Variants in SPMIP7 observed in about 807,000 individuals in gnomAD.
SPMIP7 encodes the protein protein SPMIP7.
At chr7:50,105,986 A>C in the SPMIP7 span, among the ~76,000 whole-genome samples, 3 of 152,186 alleles carry the variant, frequency 2.0e-5, no homozygotes, top group African/African-American at 7.2e-5. Flanking sequence ...TTAAAACTAG[A>C]ATTCTGAAGT....
the SPMIP7 span, among the ~76,000 whole-genome samples, chr7:50,128,075 A>C: frequency 6.6e-6 from 1 of 151,870 alleles, no homozygotes; most frequent in Non-Finnish European, 1.5e-5. Context: ...AGTGTCCATC[A>C]GTGGATGAAT....
At chr7:50,104,080 C>T in the SPMIP7 span, among the ~76,000 whole-genome samples, 403 of 152,220 alleles carry the variant, frequency 2.6e-3, 2 homozygotes, top group African/African-American at 8.8e-3. Context: ...TAGGTATCTT[C>T]TAATAATAAG....
At chr7:50,121,732 C>G in the SPMIP7 span, among the ~76,000 whole-genome samples, 1 of 152,102 alleles carries the variant, frequency 6.6e-6, no homozygotes, top group Non-Finnish European at 1.5e-5. Context: ...CAGCTCACTG[C>G]AACCTCCGCC....
the SPMIP7 span, among the ~76,000 whole-genome samples, chr7:50,135,283 C>T: frequency 5.5e-3 from 831 of 152,268 alleles, 25 homozygotes; most frequent in South Asian, 0.087. Flanking sequence ...CCACTTCTCA[C>T]GCGTAGGAGT....
the SPMIP7 span, among the ~76,000 whole-genome samples, chr7:50,110,401 A>G: frequency 6.8e-6 from 1 of 147,910 alleles, no homozygotes; most frequent in Non-Finnish European, 1.5e-5. Context: ...TTACATATTT[A>G]ACATATAATA....
chr7:50,153,676 C>A, the SPMIP7 span, among the ~76,000 whole-genome samples: 1 of 152,158 alleles, frequency 6.6e-6, no homozygotes, highest in Non-Finnish European at 1.5e-5. Context: ...AACTGAGGCA[C>A]ACACAAGCTG....
the SPMIP7 span, among the ~76,000 whole-genome samples, chr7:50,125,308 ACC>A: frequency 1.3e-3 from 141 of 107,628 alleles, 5 homozygotes; most frequent in African/African-American, 4.7e-3. Context: ...ACATATATAT[ACC>A]CATATATACA....
the SPMIP7 span, among the ~76,000 whole-genome samples, chr7:50,110,226 A>C: frequency 6.6e-6 from 1 of 151,572 alleles, no homozygotes; most frequent in Admixed American, 6.6e-5. Flanking sequence ...AAAAGTAAAG[A>C]CCTAATCAAC....
the SPMIP7 span, among the ~76,000 whole-genome samples, chr7:50,104,042 T>G: frequency 6.6e-6 from 1 of 152,204 alleles, no homozygotes; most frequent in Non-Finnish European, 1.5e-5. Context: ...CATGTCTGTG[T>G]GCACATACAT....
At chr7:50,135,975 C>T in the SPMIP7 span, 7 of 668,800 alleles carry the variant, frequency 1.0e-5, no homozygotes, top group South Asian at 3.6e-5. Flanking sequence ...TTGGAGAGTG[C>T]GTTTCCTAGG....
chr7:50,119,101 A>G, the SPMIP7 span, among the ~76,000 whole-genome samples: 6 of 152,164 alleles, frequency 3.9e-5, no homozygotes, highest in African/African-American at 1.4e-4. Context: ...TCTTCTGAAA[A>G]TGACATCAGA....
At chr7:50,152,706 T>C in the SPMIP7 span, among the ~76,000 whole-genome samples, 1 of 151,082 alleles carries the variant, frequency 6.6e-6, no homozygotes, top group Non-Finnish European at 1.5e-5. Context: ...ATTTATTTAT[T>C]TAAGACAGAG....
the SPMIP7 span, chr7:50,117,478 A>T: frequency 4.0e-6 from 1 of 249,218 alleles, no homozygotes; most frequent in Non-Finnish European, 8.2e-6. Flanking sequence ...CAAATAGATT[A>T]ACACCTTCTG....
the SPMIP7 span, chr7:50,141,975 G>C: frequency 1.3e-5 from 2 of 152,138 alleles, no homozygotes; most frequent in South Asian, 2.1e-4. Flanking sequence ...TGATCCGCCC[G>C]CCTCGGCTTC....
chr7:50,136,213 G>A, the SPMIP7 span: 1 of 1,341,608 alleles, frequency 7.5e-7, no homozygotes, highest in Non-Finnish European at 1.0e-6. Context: ...TCACTATCAT[G>A]TTTTGTAATT....
the SPMIP7 span, among the ~76,000 whole-genome samples, chr7:50,135,907 A>C: frequency 2.6e-5 from 4 of 152,210 alleles, no homozygotes; most frequent in African/African-American, 4.8e-5. Flanking sequence ...TGGAAGTCTG[A>C]GATCAGATCA....
At chr7:50,151,872 A>G in the SPMIP7 span, among the ~76,000 whole-genome samples, 2 of 152,210 alleles carry the variant, frequency 1.3e-5, no homozygotes, top group Non-Finnish European at 2.9e-5. Flanking sequence ...GAGGAATGGC[A>G]TCTTTACTTC....
chr7:50,157,369 C>T, the SPMIP7 span, among the ~76,000 whole-genome samples: 1 of 152,134 alleles, frequency 6.6e-6, no homozygotes, highest in South Asian at 2.1e-4. Flanking sequence ...TCTCCAAAGT[C>T]GTGAGCAAGG....
the SPMIP7 span, among the ~76,000 whole-genome samples, chr7:50,145,674 T>G: frequency 8.1e-6 from 1 of 124,118 alleles, no homozygotes; most frequent in Non-Finnish European, 1.7e-5. Flanking sequence ...CTTACATATA[T>G]GGGAGAGAGC....
Sources: allele counts gnomAD v4.1 joint callset (sites outside exome capture counted in the v4.1 genomes callset), GRCh38; gene constraint gnomAD v4.1.1; transcripts MANE v1.5; gene names NCBI Gene and HGNC (gene_info 2026-07-23, HGNC 2026-07-21).